ATOH8: variants seen among roughly 807,000 people sequenced by gnomAD.
ATOH8 encodes atonal bHLH transcription factor 8.
A neutral mutation model predicts 21.2 loss-of-function variants in ATOH8; 9 were observed. That is an observed-to-expected ratio of 0.42 (90% CI 0.26 to 0.74). The LOEUF is 0.74. Among genes scored for constraint, ATOH8 ranks in the 30% least tolerant of loss-of-function variants. The pLI is 0.24. For synonymous variants in ATOH8, 253 were observed against 224.0 expected (o/e 1.13, Z -1.16); for missense variants, 524 against 470.9 (o/e 1.11, Z -1.04).
At chr2:85,780,968 C>T (rs1315541939) in intron 2 of ATOH8, 1 of 987,654 alleles carries the variant, frequency 1.0e-6, no homozygotes, top group Non-Finnish European at 1.2e-6. Flanking sequence ...CTTCCAGGTC[C>T]CTGGGGAGCT....
At chr2:85,780,986 C>T (rs1680472310) in intron 2 of ATOH8, 1 of 987,804 alleles carries the variant, frequency 1.0e-6, no homozygotes, top group Admixed American at 6.1e-5. Flanking sequence ...GCTTGGAGGC[C>T]AGAAGCCCAG....
At chr2:85,763,415 T>C (rs1031576864) in intron 1 of ATOH8, among the ~76,000 whole-genome samples, 9 of 151,992 alleles carry the variant, frequency 5.9e-5, no homozygotes, top group Non-Finnish European at 1.3e-4. Flanking sequence ...GGGCACAGAG[T>C]AAAAGATTTT....
At chr2:85,776,529 C>T (rs1680326445) in intron 2 of ATOH8, among the ~76,000 whole-genome samples, 2 of 152,226 alleles carry the variant, frequency 1.3e-5, no homozygotes, top group Non-Finnish European at 2.9e-5. Flanking sequence ...GTCCCCTCCT[C>T]ACGCAGTGAC....
At chr2:85,778,251 A>G (rs1464615083) in intron 2 of ATOH8, among the ~76,000 whole-genome samples, 1 of 152,232 alleles carries the variant, frequency 6.6e-6, no homozygotes, top group African/African-American at 2.4e-5. Context: ...TAGCTGGCAC[A>G]TTTAACCACT....
intron 2 of ATOH8, among the ~76,000 whole-genome samples, chr2:85,771,219 T>C (rs1466806470): frequency 6.6e-6 from 1 of 152,164 alleles, no homozygotes; most frequent in Non-Finnish European, 1.5e-5. Flanking sequence ...TGCAGAGTTC[T>C]GGGGCTGGAG....
Position 85,786,871 on chromosome 2 carries a change from G to A in ATOH8, c.961-14G>A, listed in dbSNP as rs777331664. ...GAGCAGGGGCAGCTTTTAATGGCTG[G>A]TCATGTCTTTCAGGAGTGACTGGCT... On this transcript the variant is annotated splice_polypyrimidine_tract_variant and intron_variant, in intron 2 of 2. Coordinates refer to ENST00000306279, the MANE Select transcript of ATOH8 (RefSeq NM_032827.7). 2.5e-6 allele frequency: 4 copies of A among 1,613,898 alleles called. No homozygotes were observed. Among genetic ancestry groups the A allele is most frequent in the Admixed American group, 1.7e-5 (1 of 59,990 alleles).
At chr2:85,772,794 T>G (rs1291044016) in intron 2 of ATOH8, 3 of 456,204 alleles carry the variant, frequency 6.6e-6, no homozygotes, top group East Asian at 6.9e-5. Flanking sequence ...TTCTCTTGAC[T>G]TTTTATCTCT....
chr2:85,783,192 C>T (rs371746780), intron 2 of ATOH8, among the ~76,000 whole-genome samples: 3 of 152,198 alleles, frequency 2.0e-5, no homozygotes, highest in Admixed American at 6.5e-5. Flanking sequence ...TGATTCAGCA[C>T]GTCAGAGCAG....
At chr2:85,765,516 G>A (rs1432356733) in intron 2 of ATOH8, among the ~76,000 whole-genome samples, 1 of 152,218 alleles carries the variant, frequency 6.6e-6, no homozygotes, top group Non-Finnish European at 1.5e-5. Flanking sequence ...GGCGGCTCTG[G>A]GCAGCTTTCC....
At chr2:85,756,654 C>T (rs1005823570) in intron 1 of ATOH8, among the ~76,000 whole-genome samples, 5 of 152,332 alleles carry the variant, frequency 3.3e-5, no homozygotes, top group South Asian at 2.1e-4. Flanking sequence ...TTGATCTAAA[C>T]ATAATCCCTG....
Position 85,766,587 on chromosome 2 carries a change from C to T in ATOH8, c.960+2405C>T, listed in dbSNP as rs1680022153. Among the ~76,000 whole-genome samples, 1 of 152,200 alleles carries T rather than the reference C, an allele frequency of 6.6e-6. No homozygotes were observed. Among genetic ancestry groups the T allele is most frequent in the African/African-American group, 2.4e-5 (1 of 41,454 alleles). ...CCGGTGTTCATAATTCCAGCCCTTC[C>T]CATACCAGCCCCTTCCATAGTTTTA... On this transcript the variant is annotated intron_variant, in intron 2 of 2. Coordinates refer to ENST00000306279, the MANE Select transcript of ATOH8 (RefSeq NM_032827.7). This position sits in a 1 kb window ranked among gnomAD's most constrained non-coding sequence, Gnocchi z 4.0.
At position 85,785,535 on chromosome 2, in the gene ATOH8, G is replaced by C. The variant is rs536261256; in HGVS notation, c.961-1350G>C. Reference sequence around the variant, plus strand: ...CACTTCAGCCTTGCCCCAGACTTGCGTCTTGGCTGGCTGCCCCGGCCCACG... The same window carrying C: ...CACTTCAGCCTTGCCCCAGACTTGCCTCTTGGCTGGCTGCCCCGGCCCACG... On this transcript the variant is annotated intron_variant, in intron 2 of 2. Coordinates refer to ENST00000306279, the MANE Select transcript of ATOH8 (RefSeq NM_032827.7). The surrounding 1 kb of genome is among the most constrained non-coding windows in gnomAD (Gnocchi z 4.1). Among the ~76,000 whole-genome samples the C allele has an allele frequency of 6.6e-6, 1 of 152,208 alleles. No individual in the cohort carries two copies. The highest frequency in any genetic ancestry group is 1.5e-5 in the Non-Finnish European group (1 of 68,032).
At position 85,754,056 on chromosome 2, in the gene ATOH8, G is replaced by A. The variant is rs1679580726; in HGVS notation, c.-134G>A. The A allele has an allele frequency of 8.6e-7, 1 of 1,158,536 alleles. No individual in the cohort carries two copies. The highest frequency in any genetic ancestry group is 1.1e-6 in the Non-Finnish European group (1 of 880,840). The allele number at this position is 1,158,536 out of a possible 1,614,324, so 71.8% of individuals were successfully genotyped here. A position where few individuals can be genotyped will look rare whatever the true frequency, so the allele number is the denominator to read the frequency against. On this transcript the variant is annotated 5_prime_UTR_variant, in exon 1 of 3. Coordinates refer to ENST00000306279, the MANE Select transcript of ATOH8 (RefSeq NM_032827.7). Reference sequence around the variant, plus strand: ...GCTTCCCGAAGCCGGCGGCGCAGCTGCCCGGGGCGAGGGGGAGAAAGGGAG... The same window carrying A: ...GCTTCCCGAAGCCGGCGGCGCAGCTACCCGGGGCGAGGGGGAGAAAGGGAG...
rs973804708 is a variant in ATOH8, at chr2:85,788,047, GC to G, written c.*1161del. 2 of 152,642 alleles carry G rather than the reference GC, an allele frequency of 1.3e-5. No individual in the cohort carries two copies. Among genetic ancestry groups the G allele is most frequent in the African/African-American group, 4.8e-5 (2 of 41,450 alleles). The allele number at this position is 152,642 out of a possible 1,614,324, so 9.5% of individuals were successfully genotyped here. On this transcript the variant is annotated 3_prime_UTR_variant, in exon 3 of 3. Coordinates refer to ENST00000306279, the MANE Select transcript of ATOH8 (RefSeq NM_032827.7). Reference sequence around the variant, plus strand: ...CCATCTGCTTCAAATTGAAGTAAAAGCCCCAAAATGTCAAGAAAATACTTGT... The same window carrying G: ...CCATCTGCTTCAAATTGAAGTAAAAGCCCAAAATGTCAAGAAAATACTTGT...
intron 1 of ATOH8, chr2:85,760,889 A>G (rs1052238486): frequency 1.3e-5 from 2 of 152,208 alleles, no homozygotes; most frequent in African/African-American, 4.8e-5. Flanking sequence ...GCACTTCCCA[A>G]AGTCACACCG....
In ATOH8 at chr2:85,786,916, C is replaced by T. The variant is rs200261130; in HGVS notation, c.*26C>T. On this transcript the variant is annotated 3_prime_UTR_variant, in exon 3 of 3. Transcript: ENST00000306279. ...CTGGCTGCAGGCAAGACCAAGGCCA[C>T]CACTGTGGGCCCTCCTTCCAGTCAG... 3.3e-4 allele frequency: 534 copies of T among 1,613,986 alleles called. No homozygotes were observed. The highest frequency in any genetic ancestry group is 1.2e-4 in the Non-Finnish European group (145 of 1,180,008).
At chr2:85,772,297 G>T (rs753455342) in intron 2 of ATOH8, among the ~76,000 whole-genome samples, 5 of 152,238 alleles carry the variant, frequency 3.3e-5, no homozygotes, top group Non-Finnish European at 5.9e-5. Flanking sequence ...CTGGGAGCGC[G>T]CCTGGTTCCC....
intron 2 of ATOH8, among the ~76,000 whole-genome samples, chr2:85,777,257 A>G (rs1388355129): frequency 6.6e-6 from 1 of 152,174 alleles, no homozygotes; most frequent in African/African-American, 2.4e-5. Flanking sequence ...AGCCCACTGC[A>G]CTTAGCCTGC....
intron 1 of ATOH8, among the ~76,000 whole-genome samples, chr2:85,758,786 C>T (rs77397999): frequency 0.016 from 2,470 of 152,358 alleles, 28 homozygotes; most frequent in South Asian, 0.029. Flanking sequence ...CTCCCTGCCG[C>T]CTCATGTGAA....
Sources: allele counts gnomAD v4.1 joint callset (sites outside exome capture counted in the v4.1 genomes callset), GRCh38; gene constraint gnomAD v4.1.1; non-coding constraint Gnocchi (gnomAD v3.1); transcripts MANE v1.5; gene names NCBI Gene and HGNC (gene_info 2026-07-23, HGNC 2026-07-21).